CES5A: variants seen among roughly 807,000 people sequenced by gnomAD.
CES5A encodes the protein carboxylesterase 5.
A neutral mutation model predicts 62.9 loss-of-function variants in CES5A; 67 were observed. That is an observed-to-expected ratio of 1.07 (90% confidence interval 0.88 to 1.31). The LOEUF (loss-of-function observed/expected upper bound fraction) is 1.31, where lower values mean the gene tolerates loss of function less well. Among genes scored for constraint, CES5A ranks in the 50% most tolerant of loss-of-function variants. The pLI, the probability that CES5A is intolerant of heterozygous loss-of-function variation, is 0.00. For synonymous variants in CES5A, 296 were observed against 280.8 expected (o/e 1.05, Z -0.54); for missense variants, 748 against 708.5 (o/e 1.06, Z -0.63).
Position 55,869,723 on chromosome 16 carries a change from C to G in CES5A, c.439G>C (p.Gly147Arg). The G allele has an allele frequency of 6.2e-7, 1 of 1,605,608 alleles. No individual in the cohort carries two copies. Among genetic ancestry groups the G allele is most frequent in the Non-Finnish European group, 8.5e-7 (1 of 1,175,012 alleles). Residue 147 changes from glycine to arginine, a missense_variant, in exon 4 of 13, where the codon GGT becomes CGT. Transcript: ENST00000290567. ...KLPVLVWFPG[G>R]AFKTGSASIF... ...GAGGCTGAGCCAGTCTTGAAGGCAC[C>G]TCCTGGGAACCACACCAAGACCTGA...
chr16:55,892,390 G>T (rs2142433919), intron 1 of CES5A, among the ~76,000 whole-genome samples: 1 of 152,138 alleles, frequency 6.6e-6, no homozygotes, highest in East Asian at 1.9e-4. Flanking sequence ...ACCACCTTGG[G>T]CACATGTTCT....
chr16:55,928,540 C>G (rs1247257345), upstream of CES5A, among the ~76,000 whole-genome samples: 3 of 152,116 alleles, frequency 2.0e-5, no homozygotes, highest in Admixed American at 2.0e-4. Context: ...TTTATGTAAC[C>G]AAAACCCACT....
chr16:55,859,633 G>A lies in CES5A; in HGVS notation c.970C>T (p.Leu324=). 3.7e-6 allele frequency: 6 copies of A among 1,613,406 alleles called. No individual in the cohort carries two copies. Among genetic ancestry groups the A allele is most frequent in the Non-Finnish European group, 5.1e-6 (6 of 1,179,662 alleles). Residue 324 remains leucine (L), a synonymous_variant, in exon 8 of 13, where the codon CTA becomes TTA. Transcript: ENST00000290567. ...AATGCTTTCTGAGACAATAGATCTA[G>A]AGGCTCATTAGGAAAGAAAGCACCA... ...VDGAFFPNEP[L]DLLSQKAFKA...
At chr16:55,949,993 G>C (rs1391631738) in intron 1 of CES5A, 1 of 465,562 alleles carries the variant, frequency 2.1e-6, no homozygotes, top group African/African-American at 2.0e-5. Context: ...ATATAAGTAA[G>C]AATATAACAA....
Position 55,859,564 on chromosome 16 carries a change from C to T in CES5A, c.1039G>A (p.Gly347Ser), listed in dbSNP as rs370282248. The change falls in exon 8 of 13, where the codon GGC (glycine) becomes AGC (serine). Residue 347 changes from glycine (G) to serine (S), a missense_variant. Transcript: ENST00000290567. ...ATTCTTACCATAGGCAGCAGGAAGC[C>T]ACACTCGTGGTTATTGACTCCGATG... ...SIIGVNNHEC[G>S]FLLPMKEAPE... is the part of the protein sequence containing the mutation. The T allele has an allele frequency of 3.7e-6, 6 of 1,612,862 alleles. No homozygotes were observed. Among genetic ancestry groups the T allele is most frequent in the East Asian group, 2.2e-5 (1 of 44,858 alleles).
intron 2 of CES5A, among the ~76,000 whole-genome samples, chr16:55,944,624 G>T (rs1465391132): frequency 6.6e-6 from 1 of 152,132 alleles, no homozygotes; most frequent in African/African-American, 2.4e-5. Flanking sequence ...TACTGCAGGC[G>T]ACAATGCAAA....
chr16:55,876,809 A>G (rs945426594), upstream of CES5A, among the ~76,000 whole-genome samples: 1 of 152,098 alleles, frequency 6.6e-6, no homozygotes, highest in African/African-American at 2.4e-5. Flanking sequence ...TCCAGACATC[A>G]CCGTGTGGCT....
intron 1 of CES5A, among the ~76,000 whole-genome samples, chr16:55,915,627 G>A (rs2034140844): frequency 2.0e-5 from 3 of 152,144 alleles, no homozygotes; most frequent in Admixed American, 2.0e-4. Context: ...AGCTCCGCTA[G>A]AGGCCACCTC....
chr16:55,863,038 G>A (rs2033384820), intron 6 of CES5A, among the ~76,000 whole-genome samples: 4 of 152,176 alleles, frequency 2.6e-5, no homozygotes, highest in African/African-American at 9.7e-5. Flanking sequence ...GAGTAGCGTA[G>A]GCACAGAAGA....
chr16:55,867,811 A>G (rs537825130), intron 4 of CES5A, among the ~76,000 whole-genome samples: 2 of 152,210 alleles, frequency 1.3e-5, no homozygotes, highest in Admixed American at 1.3e-4. Context: ...GATAGTGCCC[A>G]CTCCACATGG....
intron 4 of CES5A, among the ~76,000 whole-genome samples, chr16:55,868,275 G>A (rs762802761): frequency 1.3e-5 from 2 of 152,208 alleles, no homozygotes; most frequent in Non-Finnish European, 2.9e-5. Context: ...AGGGCACCCC[G>A]TCAGCCTCTC....
Position 55,847,325 on chromosome 16 carries a change from T to A in CES5A, c.1424-485A>T, listed in dbSNP as rs550884846. Among the ~76,000 whole-genome samples the A allele has an allele frequency of 3.3e-5, 5 of 150,034 alleles. No homozygotes were observed. In the East Asian group the frequency reaches 9.7e-4, roughly 29 times the overall value. ...TCCCTCTCTCTCTCCCTTCTCTCTT[T>A]CTTCCCTCTCTCTGTTCCTTCTCTC... On this transcript the variant is annotated intron_variant, in intron 11 of 12. Transcript: ENST00000290567.
intron 1 of CES5A, among the ~76,000 whole-genome samples, chr16:55,901,043 C>A (rs2033985342): frequency 6.6e-6 from 1 of 152,160 alleles, no homozygotes; most frequent in South Asian, 2.1e-4. Context: ...CCACCCAAAT[C>A]TCATCTTGAA....
intron 8 of CES5A, among the ~76,000 whole-genome samples, chr16:55,858,225 A>T (rs1361613589): frequency 6.6e-6 from 1 of 152,218 alleles, no homozygotes; most frequent in Non-Finnish European, 1.5e-5. Context: ...AAATTAAATT[A>T]AAAAGGCAGA....
intron 1 of CES5A, among the ~76,000 whole-genome samples, chr16:55,894,726 A>C (rs2033915036): frequency 6.6e-6 from 1 of 152,128 alleles, no homozygotes; most frequent in Non-Finnish European, 1.5e-5. Flanking sequence ...AAGTTGCCGA[A>C]CCTCAACAGA....
chr16:55,955,502 C>T (rs2034599445), intron 1 of CES5A, among the ~76,000 whole-genome samples: 1 of 152,210 alleles, frequency 6.6e-6, no homozygotes, highest in South Asian at 2.1e-4. Context: ...TTGAAATCAT[C>T]CATTAGCAAT....
intron 1 of CES5A, among the ~76,000 whole-genome samples, chr16:55,918,792 G>A (rs942127281): frequency 9.9e-5 from 15 of 152,170 alleles, no homozygotes; most frequent in African/African-American, 3.6e-4. Flanking sequence ...GGAGTTGGGA[G>A]TTTCTTAGCC....
chr16:55,861,848 T>G lies in CES5A; in HGVS notation c.811-332A>C, dbSNP rs2033357649. 2.0e-5 allele frequency among the ~76,000 whole-genome samples: 3 copies of G among 152,270 alleles called. No individual in the cohort carries two copies. In the South Asian group the frequency reaches 6.2e-4, roughly 32 times the overall value. On this transcript the variant is annotated intron_variant, in intron 6 of 12. Coordinates refer to ENST00000290567, the MANE Select transcript of CES5A (RefSeq NM_001143685.2). Reference sequence around the variant, plus strand: ...CCTGTGAGCTTGGCTGCATTGGTATTTTGCCCCTCTGGAGTCTAGAAGCCC... The same window carrying G: ...CCTGTGAGCTTGGCTGCATTGGTATGTTGCCCCTCTGGAGTCTAGAAGCCC...
intron 1 of CES5A, among the ~76,000 whole-genome samples, chr16:55,896,156 A>G (rs1371515382): frequency 6.6e-6 from 1 of 152,334 alleles, no homozygotes; most frequent in African/African-American, 2.4e-5. Context: ...CACATCTTAC[A>G]TGGTGGCAGG....
Sources: gnomAD v4.1 joint callset for allele counts (sites outside exome capture counted in the v4.1 genomes callset) on GRCh38, gnomAD v4.1.1 for gene constraint, MANE v1.5 for transcripts, NCBI Gene and HGNC (gene_info 2026-07-23, HGNC 2026-07-21) for gene names.